TBC1D23: variants seen among roughly 807,000 people sequenced by gnomAD.
TBC1D23 encodes HCV non-structural protein 4A-transactivated protein 1.
Under a neutral mutation model 91.4 loss-of-function variants are expected in TBC1D23, and 55 were observed. The observed-to-expected ratio is 0.60, with a 90% CI of 0.48 to 0.75. TBC1D23 has a LOEUF of 0.75. Among genes scored for constraint, TBC1D23 ranks in the 30% least tolerant of loss-of-function variants. The pLI, the probability that TBC1D23 is intolerant of heterozygous loss-of-function variation, is 0.00. For synonymous variants in TBC1D23, 289 were observed against 281.0 expected, an observed-to-expected ratio of 1.03 and a Z score of -0.28; for missense variants, 725 against 836.1, an observed-to-expected ratio of 0.87 and a Z score of 1.64.
intron 4 of TBC1D23, among the ~76,000 whole-genome samples, chr3:100,288,851 T>C (rs927258192): frequency 6.6e-6 from 1 of 152,230 alleles, no homozygotes; most frequent in Non-Finnish European, 1.5e-5. Context: ...CACCATACTT[T>C]AACCAAACTG....
At chr3:100,293,104 AGTTTGTTTGTTT>A (rs56925154) in intron 5 of TBC1D23, among the ~76,000 whole-genome samples, 1 of 150,518 alleles carries the variant, frequency 6.6e-6, no homozygotes, top group East Asian at 2.0e-4. Flanking sequence ...TATGCCAGAT[AGTTTGTTTGTTT>A]GTTTGTTTGT....
chr3:100,262,723 C>CAA (rs1174689237), intron 1 of TBC1D23, among the ~76,000 whole-genome samples: 15,616 of 51,068 alleles, frequency 0.31, 3,378 homozygotes, highest in Admixed American at 0.47. Context: ...GGCTCGGTCT[C>CAA]AAAAAAAAAA....
intron 1 of TBC1D23, among the ~76,000 whole-genome samples, chr3:100,271,240 GA>G (rs1357495108): frequency 2.0e-5 from 3 of 152,128 alleles, no homozygotes; most frequent in African/African-American, 7.2e-5. Flanking sequence ...AGAGGGAAGA[GA>G]TAGATTTAAG....
chr3:100,319,855 A>G (rs2148873844), intron 17 of TBC1D23, among the ~76,000 whole-genome samples: 1 of 152,266 alleles, frequency 6.6e-6, no homozygotes, highest in East Asian at 1.9e-4. Flanking sequence ...CAAATGTGAC[A>G]CTTCATCCCT....
At chr3:100,308,552 T>G (rs187396243) in intron 13 of TBC1D23, among the ~76,000 whole-genome samples, 1 of 152,094 alleles carries the variant, frequency 6.6e-6, no homozygotes, top group South Asian at 2.1e-4. Flanking sequence ...ATAAAGAAAA[T>G]AAAATCACCT....
chr3:100,307,094 T>C (rs1173327564), intron 13 of TBC1D23, among the ~76,000 whole-genome samples: 1 of 152,210 alleles, frequency 6.6e-6, no homozygotes, highest in African/African-American at 2.4e-5. Context: ...TTATTTGATT[T>C]TTAGTTATTG....
intron 2 of TBC1D23, 166 bp from the exon 3 acceptor site, chr3:100,281,576 C>T (rs1196455660): frequency 9.6e-6 from 4 of 414,832 alleles, no homozygotes; most frequent in Non-Finnish European, 1.7e-5. Context: ...TAAAATAATT[C>T]TGCTGGTTGT....
chr3:100,322,940 T>G (rs1248132029), intron 18 of TBC1D23, among the ~76,000 whole-genome samples: 1 of 152,172 alleles, frequency 6.6e-6, no homozygotes, highest in Non-Finnish European at 1.5e-5. Context: ...CCGAAGATGC[T>G]TTTTTAAAAA....
At chr3:100,302,625 C>G (rs1030756170) in intron 11 of TBC1D23, among the ~76,000 whole-genome samples, 1 of 152,006 alleles carries the variant, frequency 6.6e-6, no homozygotes, top group Non-Finnish European at 1.5e-5. Flanking sequence ...CTTGCTCTGT[C>G]GCCCAGGCTG....
intron 13 of TBC1D23, among the ~76,000 whole-genome samples, chr3:100,308,744 A>G (rs1705564190): frequency 6.6e-6 from 1 of 152,244 alleles, no homozygotes; most frequent in Non-Finnish European, 1.5e-5. Context: ...TTTAAAAATA[A>G]TATGAGTTTG....
chr3:100,288,734 G>A (rs893605579), intron 4 of TBC1D23, among the ~76,000 whole-genome samples: 2 of 152,120 alleles, frequency 1.3e-5, no homozygotes, highest in Non-Finnish European at 2.9e-5. Context: ...ATAGTAGAAT[G>A]TATCTCAGTA....
At chr3:100,316,975 T>A (rs1445110187) in intron 16 of TBC1D23, among the ~76,000 whole-genome samples, 1 of 151,004 alleles carries the variant, frequency 6.6e-6, no homozygotes, top group East Asian at 1.9e-4. Context: ...CCCAGCTAAT[T>A]GGGAAGCTGA....
Position 100,295,210 on chromosome 3 carries a change from A to G in TBC1D23, c.724A>G (p.Lys242Glu), listed in dbSNP as rs2067827866. 1 of 1,599,268 alleles carries G rather than the reference A, an allele frequency of 6.3e-7. No homozygotes were observed. Among genetic ancestry groups the G allele is most frequent in the African/African-American group, 1.4e-5 (1 of 73,904 alleles). Residue 242 changes from lysine to glutamate, a missense_variant and splice_region_variant, in exon 6 of 19, where the codon AAA becomes GAA. Transcript: ENST00000394144. ...AATGTTAATTATCCTTGTTAATGCAAAGTAAGTATCTGGTTGGTTAGATTT... is the reference window on the plus strand; with the variant it reads ...AATGTTAATTATCCTTGTTAATGCAGAGTAAGTATCTGGTTGGTTAGATTT... ...FLMLIILVNA[K>E]EVILTQESDS...
intron 4 of TBC1D23, 151 bp from the exon 5 acceptor site, chr3:100,290,427 A>G (rs1436822973): frequency 8.9e-6 from 6 of 677,750 alleles, no homozygotes; most frequent in African/African-American, 1.8e-5. Flanking sequence ...AGTCAGGGAC[A>G]TTGAAAAAGG....
At chr3:100,280,042 T>C (rs1285120608) in intron 2 of TBC1D23, among the ~76,000 whole-genome samples, 4 of 152,116 alleles carry the variant, frequency 2.6e-5, no homozygotes, top group African/African-American at 9.7e-5. Context: ...CCCAACACTT[T>C]GGGAGGCTGA....
intron 11 of TBC1D23, among the ~76,000 whole-genome samples, chr3:100,304,036 G>A (rs1313827683): frequency 6.6e-6 from 1 of 152,088 alleles, no homozygotes; most frequent in African/African-American, 2.4e-5. Context: ...TAGTGTTCAA[G>A]TTTCCCTGAT....
chr3:100,263,161 A>C (rs1444103944), intron 1 of TBC1D23, among the ~76,000 whole-genome samples: 3 of 152,216 alleles, frequency 2.0e-5, no homozygotes, highest in Non-Finnish European at 4.4e-5. Flanking sequence ...ATAAAGGAAA[A>C]TTACAGTCGA....
At chr3:100,279,543 T>A in intron 1 of TBC1D23, 106 bp from the exon 2 acceptor site, 1 of 716,400 alleles carries the variant, frequency 1.4e-6, no homozygotes, top group East Asian at 2.8e-5. Flanking sequence ...TGCTGAGAAC[T>A]TTTGTTTCTT....
At chr3:100,264,965 G>A (rs1392089268) in intron 1 of TBC1D23, among the ~76,000 whole-genome samples, 2 of 152,144 alleles carry the variant, frequency 1.3e-5, no homozygotes, top group Non-Finnish European at 2.9e-5. Flanking sequence ...TAGCTGCTGG[G>A]GGTTGCCAAT....
Sources: allele counts gnomAD v4.1 joint callset (sites outside exome capture counted in the v4.1 genomes callset), GRCh38; gene constraint gnomAD v4.1.1; transcripts MANE v1.5; gene names NCBI Gene and HGNC (gene_info 2026-07-23, HGNC 2026-07-21).